Variants in MYO10 observed in about 807,000 individuals in gnomAD.
MYO10 encodes unconventional myosin-X.
A neutral mutation model predicts 257.3 loss-of-function variants in MYO10; 133 were observed. The observed-to-expected ratio is 0.52, with a 90% CI of 0.45 to 0.60. The LOEUF is 0.60. Ranked by LOEUF, MYO10 falls within the 20% of genes least tolerant of loss-of-function variation. The pLI is 0.00. For missense variants in MYO10, 2,399 were observed against 2,635.7 expected (o/e 0.91, Z 1.97); for synonymous variants, 1,104 against 1,028.6 (o/e 1.07, Z -1.40).
intron 37 of MYO10, among the ~76,000 whole-genome samples, chr5:16,672,294 CAAAA>C (rs10684695): frequency 5.7e-5 from 7 of 122,280 alleles, no homozygotes; most frequent in Admixed American, 1.8e-4. Context: ...GACTCCATCT[CAAAA>C]AAAAAAAAAA....
chr5:16,689,957 C>T (rs1189931114), intron 27 of MYO10, 38 bp from the exon 28 acceptor site: 3 of 1,442,930 alleles, frequency 2.1e-6, no homozygotes, highest in Non-Finnish European at 2.9e-6. Context: ...ACATCAGGAA[C>T]ACCAAATTCT....
chr5:16,776,056 C>T (rs1234647093), intron 9 of MYO10, among the ~76,000 whole-genome samples: 2 of 151,772 alleles, frequency 1.3e-5, no homozygotes, highest in African/African-American at 2.4e-5. Context: ...CCACTACACC[C>T]GGCTAATTTT....
chr5:16,734,526 C>A (rs143019455), intron 19 of MYO10, among the ~76,000 whole-genome samples: 2 of 152,202 alleles, frequency 1.3e-5, no homozygotes, highest in South Asian at 2.1e-4. Flanking sequence ...GATGTCAGGC[C>A]GGGCATGGTG....
chr5:16,871,445 T>A (rs1000776681), intron 2 of MYO10, among the ~76,000 whole-genome samples: 1 of 152,030 alleles, frequency 6.6e-6, no homozygotes, highest in South Asian at 2.1e-4. Context: ...CAAAACCCCA[T>A]CTCTACAAAA....
At chr5:16,668,525 C>CA (rs1736286228) in intron 39 of MYO10, 57 bp from the exon 40 acceptor site, 1 of 1,419,780 alleles carries the variant, frequency 7.0e-7, no homozygotes, top group Admixed American at 2.4e-5. Context: ...CAACAGAAAG[C>CA]ATCTAAACCA....
At chr5:16,807,168 G>C (rs78540873) in intron 3 of MYO10, among the ~76,000 whole-genome samples, 2,489 of 152,114 alleles carry the variant, frequency 0.016, 27 homozygotes, top group Middle Eastern at 0.027. Flanking sequence ...GGCTAAATAC[G>C]GCAGTGACTT....
chr5:16,811,525 T>G (rs1054082526), intron 3 of MYO10, among the ~76,000 whole-genome samples: 10 of 152,288 alleles, frequency 6.6e-5, no homozygotes, highest in Admixed American at 6.5e-4. Context: ...TGGTGTTCAC[T>G]GGCCTTTCCT....
At chr5:16,766,284 C>T in intron 10 of MYO10, 86 bp from the exon 11 acceptor site, 1 of 935,270 alleles carries the variant, frequency 1.1e-6, no homozygotes, top group Non-Finnish European at 1.7e-6. Context: ...AGAGAACACA[C>T]CTGAATCCCT....
intron 2 of MYO10, among the ~76,000 whole-genome samples, chr5:16,872,798 A>T (rs1744490158): frequency 6.6e-6 from 1 of 152,190 alleles, no homozygotes; most frequent in Non-Finnish European, 1.5e-5. Context: ...AACCCCTGAT[A>T]AACTCATCAG....
chr5:16,904,447 G>A (rs1319820472), intron 1 of MYO10, among the ~76,000 whole-genome samples: 1 of 152,184 alleles, frequency 6.6e-6, no homozygotes. Flanking sequence ...AGCAACCTGC[G>A]GCTTGTGACT....
intron 1 of MYO10, among the ~76,000 whole-genome samples, chr5:16,910,947 G>A (rs1372686521): frequency 6.6e-6 from 1 of 150,962 alleles, no homozygotes; most frequent in Admixed American, 6.6e-5. Context: ...AAACCTCACA[G>A]CTCTTAAATA....
chr5:16,673,667 G>A lies in MYO10; in HGVS notation c.5172+15C>T. ...AAGGCATCTAACAGAACAAGCAGCA[G>A]CTGCCTCTCCTCACCTCCCCAGCGG... On this transcript the variant is annotated intron_variant, in intron 36 of 40. Transcript: ENST00000513610. The A allele has an allele frequency of 6.2e-7, 1 of 1,609,442 alleles. No individual in the cohort carries two copies. The highest frequency in any genetic ancestry group is 1.1e-5 in the South Asian group (1 of 90,560).
At chr5:16,774,087 TTA>T (rs139534275) in intron 9 of MYO10, among the ~76,000 whole-genome samples, 2 of 152,332 alleles carry the variant, frequency 1.3e-5, no homozygotes, top group Non-Finnish European at 2.9e-5. Context: ...TCAAGGCTTA[TTA>T]TAATTAGTAT....
At position 16,936,059 on chromosome 5, in the gene MYO10, C is replaced by G; in HGVS notation, c.-251G>C. 3 of 528,818 alleles carry G rather than the reference C, an allele frequency of 5.7e-6. No individual in the cohort carries two copies. The South Asian group carries it at 7.0e-5, about 12-fold the overall frequency. 32.8% of individuals were successfully genotyped at this position (528,818 alleles called of 1,614,324 possible). On this transcript the variant is annotated 5_prime_UTR_variant, in exon 1 of 41. Transcript: ENST00000513610. ...TTCCTCCAAGTTCCTCACTACTGGG[C>G]GCAGCGCTCGCAAGCGGAGAACAGC...
intron 28 of MYO10, among the ~76,000 whole-genome samples, chr5:16,686,415 C>G (rs546909673): frequency 2.0e-5 from 3 of 152,170 alleles, no homozygotes; most frequent in South Asian, 4.2e-4. Context: ...GATGCTTAAC[C>G]GGTAAGTCTA....
At chr5:16,903,822 C>G (rs1745449873) in intron 1 of MYO10, among the ~76,000 whole-genome samples, 1 of 152,130 alleles carries the variant, frequency 6.6e-6, no homozygotes, top group Non-Finnish European at 1.5e-5. Flanking sequence ...ACATAAAATA[C>G]AAAGGGAGAT....
At chr5:16,764,430 C>G (rs1292471933) in intron 11 of MYO10, 34 bp from the exon 12 acceptor site, 1 of 1,609,846 alleles carries the variant, frequency 6.2e-7, no homozygotes, top group Non-Finnish European at 8.5e-7. Flanking sequence ...ACTCAGCTGA[C>G]CCCGGGCACC....
intron 1 of MYO10, among the ~76,000 whole-genome samples, chr5:16,900,929 G>A (rs183077400): frequency 3.3e-5 from 5 of 152,052 alleles, no homozygotes; most frequent in African/African-American, 1.2e-4. Context: ...TAGTAGAGAC[G>A]AAGTTTCACC....
intron 19 of MYO10, among the ~76,000 whole-genome samples, chr5:16,727,536 C>A (rs1051964040): frequency 6.6e-6 from 1 of 152,136 alleles, no homozygotes; most frequent in South Asian, 2.1e-4. Context: ...AGGGTTCTCA[C>A]GAGGCTAATG....
Sources: gnomAD v4.1 joint callset for allele counts (sites outside exome capture counted in the v4.1 genomes callset) on GRCh38, gnomAD v4.1.1 for gene constraint, MANE v1.5 for transcripts, NCBI Gene and HGNC (gene_info 2026-07-23, HGNC 2026-07-21) for gene names.